The following TBC1D5 variants were observed in gnomAD, a reference collection of about 807,000 sequenced individuals.
TBC1D5 encodes TBC1 domain family member 5.
Under a neutral mutation model 100.3 loss-of-function variants are expected in TBC1D5, and 75 were observed. That is an observed-to-expected ratio of 0.75 (90% CI 0.62 to 0.91). TBC1D5 has a LOEUF of 0.91. Ranked by LOEUF, TBC1D5 falls within the 40% of genes least tolerant of loss-of-function variation. The pLI, the probability that TBC1D5 is intolerant of heterozygous loss-of-function variation, is 0.00. For missense variants in TBC1D5, 910 were observed against 942.4 expected (o/e 0.97, Z 0.45); for synonymous variants, 323 against 325.6 (o/e 0.99, Z 0.09).
At chr3:17,496,947 A>G (rs916316450) in intron 3 of TBC1D5, among the ~76,000 whole-genome samples, 13 of 152,110 alleles carry the variant, frequency 8.5e-5, no homozygotes, top group African/African-American at 3.1e-4. Context: ...ATCCTGTGTC[A>G]TTCCCCTGTC....
Position 17,675,211 on chromosome 3 carries a change from TGGC to T in TBC1D5, c.-100-51301_-100-51299del, listed in dbSNP as rs1156531893. ...TCTGAGTTACAGATAACTCAGACTA[TGGC>T]TACCAAGACAGATTATTAAAAATAA... On this transcript the variant is annotated intron_variant, in intron 1 of 21. Transcript: ENST00000253692. Among the ~76,000 whole-genome samples the T allele has an allele frequency of 1.1e-3, 161 of 152,222 alleles. 1 individual carries two copies. Among genetic ancestry groups the T allele is most frequent in the African/African-American group, 3.8e-3 (156 of 41,562 alleles).
intron 1 of TBC1D5, among the ~76,000 whole-genome samples, chr3:17,668,807 G>A (rs998132028): frequency 6.6e-6 from 1 of 151,950 alleles, no homozygotes; most frequent in Admixed American, 6.6e-5. Context: ...CTGCCCACTA[G>A]ACAACTTTCC....
intron 16 of TBC1D5, 114 bp downstream of exon 16, chr3:17,258,392 T>C (rs1229835658): frequency 1.0e-6 from 1 of 975,240 alleles, no homozygotes. Flanking sequence ...CAAAGATTCC[T>C]TATGTACATA....
chr3:17,344,141 G>A (rs1039996677), intron 13 of TBC1D5, among the ~76,000 whole-genome samples: 3 of 152,056 alleles, frequency 2.0e-5, no homozygotes, highest in South Asian at 2.1e-4. Flanking sequence ...GTTTGCAGAC[G>A]ACATGATTGT....
chr3:17,641,928 T>C (rs374424165), intron 1 of TBC1D5, among the ~76,000 whole-genome samples: 1 of 152,240 alleles, frequency 6.6e-6, no homozygotes, highest in South Asian at 2.1e-4. Flanking sequence ...AAGAATAAAA[T>C]GCAATGTTTT....
intron 2 of TBC1D5, among the ~76,000 whole-genome samples, chr3:17,590,642 G>A (rs1179235166): frequency 1.3e-5 from 2 of 152,166 alleles, no homozygotes; most frequent in Non-Finnish European, 2.9e-5. Context: ...AGATCTAACA[G>A]TGGGAACCGC....
At chr3:17,427,101 A>C (rs1383484675) in intron 4 of TBC1D5, among the ~76,000 whole-genome samples, 2 of 152,046 alleles carry the variant, frequency 1.3e-5, no homozygotes, top group Admixed American at 1.3e-4. Context: ...TACAAGCTTT[A>C]TATTATACTT....
At chr3:17,270,501 C>T (rs1312323692) in intron 15 of TBC1D5, among the ~76,000 whole-genome samples, 3 of 152,130 alleles carry the variant, frequency 2.0e-5, no homozygotes, top group Non-Finnish European at 4.4e-5. Flanking sequence ...AAGTAGAAGG[C>T]TCATTTACTT....
At chr3:17,442,275 T>G (rs2094680668) in intron 3 of TBC1D5, among the ~76,000 whole-genome samples, 1 of 152,188 alleles carries the variant, frequency 6.6e-6, no homozygotes. Context: ...CCAGGTCTAG[T>G]TGTAGAACTA....
chr3:17,572,271 A>C (rs1401091456), intron 2 of TBC1D5, among the ~76,000 whole-genome samples: 1 of 151,548 alleles, frequency 6.6e-6, no homozygotes, highest in Non-Finnish European at 1.5e-5. Flanking sequence ...ATCATGTCAA[A>C]TCCACACTTT....
chr3:17,305,997 GTTTCT>G (rs1417027939), intron 14 of TBC1D5, among the ~76,000 whole-genome samples: 1 of 152,128 alleles, frequency 6.6e-6, no homozygotes, highest in Non-Finnish European at 1.5e-5. Flanking sequence ...TGACCCTCCT[GTTTCT>G]TTCTTTAGTC....
intron 1 of TBC1D5, among the ~76,000 whole-genome samples, chr3:17,629,998 A>G (rs1183585745): frequency 6.6e-6 from 1 of 152,226 alleles, no homozygotes; most frequent in Non-Finnish European, 1.5e-5. Context: ...ACAGGCAAAC[A>G]GAGGAACTGT....
chr3:17,423,310 T>A (rs2094259870), intron 4 of TBC1D5, among the ~76,000 whole-genome samples: 2 of 152,142 alleles, frequency 1.3e-5, no homozygotes, highest in Non-Finnish European at 2.9e-5. Context: ...AAAGTATGAC[T>A]GTTTTATTTA....
chr3:17,542,964 T>C (rs745461619), intron 2 of TBC1D5, among the ~76,000 whole-genome samples: 3 of 152,246 alleles, frequency 2.0e-5, no homozygotes, highest in Non-Finnish European at 2.9e-5. Context: ...CTTGCTCATA[T>C]GTGAAATTAT....
At chr3:17,218,690 C>G (rs2073930416) in intron 17 of TBC1D5, among the ~76,000 whole-genome samples, 2 of 151,938 alleles carry the variant, frequency 1.3e-5, no homozygotes, top group Non-Finnish European at 2.9e-5. Context: ...TAATAGAATT[C>G]TAGACCGACT....
chr3:17,268,775 C>T (rs1202068331), intron 15 of TBC1D5, among the ~76,000 whole-genome samples: 1 of 152,114 alleles, frequency 6.6e-6, no homozygotes, highest in Admixed American at 6.5e-5. Context: ...CATCCAACTT[C>T]CCAGACCCCT....
At chr3:17,735,947 T>C (rs1173475838) in intron 1 of TBC1D5, among the ~76,000 whole-genome samples, 2 of 152,062 alleles carry the variant, frequency 1.3e-5, no homozygotes, top group Non-Finnish European at 2.9e-5. Context: ...CCAAAGGGGG[T>C]TGCCGCTCCC....
chr3:17,689,340 G>C (rs1210974207), intron 1 of TBC1D5, among the ~76,000 whole-genome samples: 1 of 151,920 alleles, frequency 6.6e-6, no homozygotes, highest in Non-Finnish European at 1.5e-5. Context: ...AGGAATTTGA[G>C]ATCAGTGGAC....
chr3:17,262,682 CA>C (rs1053115661), intron 15 of TBC1D5, among the ~76,000 whole-genome samples: 1 of 151,810 alleles, frequency 6.6e-6, no homozygotes, highest in Non-Finnish European at 1.5e-5. Flanking sequence ...GAGGTTTCAC[CA>C]TGATAGCCAG....
Sources: gnomAD v4.1 joint callset for allele counts (sites outside exome capture counted in the v4.1 genomes callset) on GRCh38, gnomAD v4.1.1 for gene constraint, MANE v1.5 for transcripts, NCBI Gene and HGNC (gene_info 2026-07-23, HGNC 2026-07-21) for gene names.